SYPL1: variants seen among roughly 807,000 people sequenced by gnomAD.
SYPL1 encodes the protein synaptophysin like 1.
A neutral mutation model predicts 23.7 loss-of-function variants in SYPL1; 6 were observed. The observed-to-expected ratio is 0.25, with a 90% CI of 0.14 to 0.50. SYPL1 has a LOEUF of 0.50. Among genes scored for constraint, SYPL1 ranks in the 20% least tolerant of loss-of-function variants. The probability of loss-of-function intolerance (pLI) is 0.98; values close to 1 mark genes in which losing one functional copy is unlikely to be tolerated. For missense variants in SYPL1, 253 were observed against 288.9 expected, an observed-to-expected ratio of 0.88 and a Z score of 0.90; for synonymous variants, 102 against 104.5, an observed-to-expected ratio of 0.98 and a Z score of 0.15.
In SYPL1 at chr7:106,100,569, C is replaced by T. The variant is rs953780516; in HGVS notation, c.70-1287G>A. On this transcript the variant is annotated intron_variant, in intron 1 of 4. Coordinates refer to ENST00000455385, the MANE Select transcript of SYPL1 (RefSeq NM_182715.4). This position sits in a 1 kb window ranked among gnomAD's most constrained non-coding sequence, Gnocchi z 5.1. ...ACAAGTAAGCAAAAAATTCCAGATGCGCTGTTAAAGTCCAGGAGCTCAATC... is the reference window on the plus strand; with the variant it reads ...ACAAGTAAGCAAAAAATTCCAGATGTGCTGTTAAAGTCCAGGAGCTCAATC... 1.3e-5 allele frequency among the ~76,000 whole-genome samples: 2 copies of T among 152,134 alleles called. No individual in the cohort carries two copies. Among genetic ancestry groups the T allele is most frequent in the African/African-American group, 2.4e-5 (1 of 41,412 alleles).
At chr7:106,098,721 A>G (rs1225162456) in intron 2 of SYPL1, among the ~76,000 whole-genome samples, 1 of 152,260 alleles carries the variant, frequency 6.6e-6, no homozygotes, top group Non-Finnish European at 1.5e-5. Context: ...GAATCTCTTT[A>G]TATACATATG....
At chr7:106,110,817 A>T (rs1222499957) in intron 1 of SYPL1, among the ~76,000 whole-genome samples, 2 of 152,240 alleles carry the variant, frequency 1.3e-5, no homozygotes, top group African/African-American at 4.8e-5. Flanking sequence ...TTTAAGTGGA[A>T]ATCTAAATTA....
In SYPL1 at chr7:106,093,125, TA is replaced by T; in HGVS notation, c.414del (p.Thr139HisfsTer10). The T allele has an allele frequency of 6.2e-7, 1 of 1,604,304 alleles. No homozygotes were observed. ...AACCACAAAAAAGTGGCAACAAGTGTAACAACAAAGTCCTAAAGCAAAAATC... is the reference window on the plus strand; with the variant it reads ...AACCACAAAAAAGTGGCAACAAGTGTACAACAAAGTCCTAAAGCAAAAATC... ...SRKLPMIDFVVTLVATFLWLV... is the reference protein window; with the variant it reads ...SRKLPMIDFVXTLVATFLWLV... On this transcript the variant is annotated frameshift_variant, in exon 4 of 5. Transcript: ENST00000455385. LOFTEE classifies it high-confidence loss of function.
At chr7:106,112,026 G>C in intron 1 of SYPL1, 114 bp downstream of exon 1, 2 of 1,150,788 alleles carry the variant, frequency 1.7e-6, no homozygotes, top group Non-Finnish European at 2.1e-6. Context: ...TCCCGGGGCG[G>C]CGGCCTCAAA....
chr7:106,112,273 G>A lies in SYPL1; in HGVS notation c.-65C>T, dbSNP rs999352299. ...GCGGAGGAGGGGACCGACGAGACCAGAGCAGCCCGGTGGCGAGGAAGGGCA... is the reference window on the plus strand; with the variant it reads ...GCGGAGGAGGGGACCGACGAGACCAAAGCAGCCCGGTGGCGAGGAAGGGCA... On this transcript the variant is annotated 5_prime_UTR_variant, in exon 1 of 5. Coordinates refer to ENST00000455385, the MANE Select transcript of SYPL1 (RefSeq NM_182715.4). 282 of 1,451,928 alleles carry A rather than the reference G, an allele frequency of 1.9e-4. No homozygotes were observed. Among genetic ancestry groups the A allele is most frequent in the Non-Finnish European group, 2.4e-4 (263 of 1,087,224 alleles). The allele number at this position is 1,451,928 out of a possible 1,614,324, so 89.9% of individuals were successfully genotyped here.
intron 1 of SYPL1, among the ~76,000 whole-genome samples, chr7:106,108,057 T>C (rs968633902): frequency 9.2e-5 from 14 of 151,508 alleles, no homozygotes; most frequent in African/African-American, 3.2e-4. Flanking sequence ...TAGCTGGATG[T>C]AGTGGCGAGC....
chr7:106,098,402 G>C (rs762959891), intron 2 of SYPL1, among the ~76,000 whole-genome samples: 5 of 152,148 alleles, frequency 3.3e-5, no homozygotes, highest in African/African-American at 4.8e-5. Flanking sequence ...GAAGTGTCTA[G>C]GAGAAAGGAT....
rs1052014051 is a variant in SYPL1 at position 106,096,267 on chromosome 7, T to C, written c.402+1423A>G. On this transcript the variant is annotated intron_variant, in intron 3 of 4. Coordinates refer to ENST00000455385, the MANE Select transcript of SYPL1 (RefSeq NM_182715.4). The surrounding 1 kb of genome is among the most constrained non-coding windows in gnomAD (Gnocchi z 4.4). ...CATAAGAAACAGAATTAAATATGAATGATAAAAGACTGTTGTATTACTTAC... is the reference window on the plus strand; with the variant it reads ...CATAAGAAACAGAATTAAATATGAACGATAAAAGACTGTTGTATTACTTAC... The C allele has an allele frequency of 2.0e-5, 3 of 152,186 alleles. No individual in the cohort carries two copies. The highest frequency in any genetic ancestry group is 7.2e-5 in the African/African-American group (3 of 41,456). The allele number at this position is 152,186 out of a possible 1,614,324, so 9.4% of individuals were successfully genotyped here.
chr7:106,108,565 A>C (rs769591249), intron 1 of SYPL1, among the ~76,000 whole-genome samples: 1 of 152,128 alleles, frequency 6.6e-6, no homozygotes, highest in Non-Finnish European at 1.5e-5. Context: ...AAGTGAACAT[A>C]CACGTTATCA....
chr7:106,091,979 C>T lies in SYPL1; in HGVS notation c.592-40G>A. 6.4e-7 allele frequency: 1 copy of T among 1,565,220 alleles called. No homozygotes were observed. The highest frequency in any genetic ancestry group is 8.6e-7 in the Non-Finnish European group (1 of 1,158,890). ...AAGAAATATGAAAATCAAATACCTA[C>T]TTATAAAAATTCATGCCCTACTTAA... On this transcript the variant is annotated intron_variant, in intron 4 of 4. Transcript: ENST00000455385. The surrounding 1 kb of genome is among the most constrained non-coding windows in gnomAD (Gnocchi z 5.0).
chr7:106,106,036 G>T (rs1164382279), intron 1 of SYPL1, among the ~76,000 whole-genome samples: 1 of 152,080 alleles, frequency 6.6e-6, no homozygotes, highest in African/African-American at 2.4e-5. Flanking sequence ...ATATTACAAG[G>T]TAAAAACAGA....
chr7:106,108,385 A>C (rs543123839), intron 1 of SYPL1, among the ~76,000 whole-genome samples: 1 of 152,244 alleles, frequency 6.6e-6, no homozygotes, highest in Admixed American at 6.5e-5. Flanking sequence ...TTAAGTAAAA[A>C]TTAGTTTTCT....
At chr7:106,112,361 G>A (rs1790216032), upstream of SYPL1, 29 of 1,282,222 alleles carry the variant, frequency 2.3e-5, no homozygotes, top group Non-Finnish European at 2.9e-5. Flanking sequence ...GCGGGGCGGG[G>A]CGGAGCGGCG....
At chr7:106,098,727 A>G (rs1349099299) in intron 2 of SYPL1, among the ~76,000 whole-genome samples, 1 of 152,248 alleles carries the variant, frequency 6.6e-6, no homozygotes, top group Non-Finnish European at 1.5e-5. Context: ...CTTTATATAC[A>G]TATGTCTTAA....
At chr7:106,101,158 A>C (rs911768328) in intron 1 of SYPL1, among the ~76,000 whole-genome samples, 2 of 151,376 alleles carry the variant, frequency 1.3e-5, no homozygotes, top group Admixed American at 6.6e-5. Context: ...TATTCCCTCT[A>C]CTCTATTTCT....
At chr7:106,112,355 GGCGGGGCGGA>G (rs1399860067), upstream of SYPL1, 1 of 1,280,392 alleles carries the variant, frequency 7.8e-7, no homozygotes, top group East Asian at 3.2e-5. Flanking sequence ...CGTGGGGCGG[GGCGGGGCGGA>G]GCGGCGGCGG....
chr7:106,105,477 G>A (rs967846253), intron 1 of SYPL1, among the ~76,000 whole-genome samples: 2 of 148,586 alleles, frequency 1.3e-5, no homozygotes, highest in Non-Finnish European at 3.0e-5. Context: ...AGTATCCAGA[G>A]AAACAGTCCC....
At position 106,109,231 on chromosome 7, in the gene SYPL1, A is replaced by G. The variant is rs10238585; in HGVS notation, c.69+2909T>C. Among the ~76,000 whole-genome samples, 222 of 152,330 alleles carry G rather than the reference A, an allele frequency of 1.5e-3. 1 individual carries two copies. Among genetic ancestry groups the G allele is most frequent in the African/African-American group, 4.9e-3 (202 of 41,576 alleles). Reference sequence around the variant, plus strand: ...AATGCATTTAAGCAACTGAGTTGTAAGCTGAACTAGTGGCTTTTTTTTGTA... The same window carrying G: ...AATGCATTTAAGCAACTGAGTTGTAGGCTGAACTAGTGGCTTTTTTTTGTA... On this transcript the variant is annotated intron_variant, in intron 1 of 4. Coordinates refer to ENST00000455385, the MANE Select transcript of SYPL1 (RefSeq NM_182715.4). This position sits in a 1 kb window ranked among gnomAD's most constrained non-coding sequence, Gnocchi z 4.3.
At chr7:106,108,754 C>A (rs1342193443) in intron 1 of SYPL1, among the ~76,000 whole-genome samples, 1 of 152,152 alleles carries the variant, frequency 6.6e-6, no homozygotes, top group Non-Finnish European at 1.5e-5. Context: ...TTTCTCCCTG[C>A]CGTATTTTCT....
Sources: allele counts gnomAD v4.1 joint callset (sites outside exome capture counted in the v4.1 genomes callset), GRCh38; gene constraint gnomAD v4.1.1; non-coding constraint Gnocchi (gnomAD v3.1); transcripts MANE v1.5; gene names NCBI Gene and HGNC (gene_info 2026-07-23, HGNC 2026-07-21).